The following SPATA17 variants were observed in gnomAD, a reference collection of about 807,000 sequenced individuals.
SPATA17 encodes spermatogenesis associated 17.
SPATA17 carries 53 observed loss-of-function variants against 62.2 expected under a neutral mutation model. The ratio of observed to expected loss-of-function variants is 0.85; its 90% confidence interval spans 0.68 to 1.07. SPATA17 has a LOEUF of 1.07. SPATA17 is among the 50% of genes least tolerant of loss of function. The probability of loss-of-function intolerance (pLI) is 0.00; values close to 1 mark genes in which losing one functional copy is unlikely to be tolerated. For synonymous variants in SPATA17, 146 were observed against 146.8 expected, an observed-to-expected ratio of 0.99 and a Z score of 0.04; for missense variants, 466 against 425.5, an observed-to-expected ratio of 1.10 and a Z score of -0.84.
At chr1:217,731,495 TCTCTTTATTGGTGGCCAAGCC>T (rs1672401916) in intron 5 of SPATA17, among the ~76,000 whole-genome samples, 1 of 152,190 alleles carries the variant, frequency 6.6e-6, no homozygotes, top group African/African-American at 2.4e-5. Flanking sequence ...TAAAAATTCT[TCTCTTTATTGGTGGCCAAGCC>T]CTATCAATTC....
At chr1:217,780,990 G>A (rs1484829033) in intron 7 of SPATA17, among the ~76,000 whole-genome samples, 2 of 151,922 alleles carry the variant, frequency 1.3e-5, no homozygotes, top group East Asian at 3.9e-4. Context: ...CTTAATAGTG[G>A]ACTTGGAATC....
chr1:217,785,328 C>A (rs377507864), intron 8 of SPATA17, among the ~76,000 whole-genome samples: 1 of 152,094 alleles, frequency 6.6e-6, no homozygotes, highest in African/African-American at 2.4e-5. Flanking sequence ...TGAAGAAAAG[C>A]GGTTTAATTG....
At chr1:217,715,689 C>A (rs1387161818) in intron 5 of SPATA17, among the ~76,000 whole-genome samples, 2 of 150,490 alleles carry the variant, frequency 1.3e-5, no homozygotes, top group Non-Finnish European at 3.0e-5. Flanking sequence ...AAAAACTGTT[C>A]TATGCCTATT....
intron 1 of SPATA17, among the ~76,000 whole-genome samples, chr1:217,638,200 A>C (rs1669981654): frequency 6.8e-6 from 1 of 146,894 alleles, no homozygotes; most frequent in Non-Finnish European, 1.6e-5. Context: ...TACATTAAGT[A>C]TATAAACTGT....
chr1:217,743,073 T>C (rs1040194596), intron 6 of SPATA17, among the ~76,000 whole-genome samples: 1 of 151,902 alleles, frequency 6.6e-6, no homozygotes, highest in African/African-American at 2.4e-5. Flanking sequence ...GGTGACTATC[T>C]TCATATTTAC....
At chr1:217,681,758 A>G (rs1315150818) in intron 4 of SPATA17, among the ~76,000 whole-genome samples, 2 of 152,194 alleles carry the variant, frequency 1.3e-5, no homozygotes, top group Non-Finnish European at 2.9e-5. Context: ...ATGTTTTAAA[A>G]CAGAGAAAAA....
At chr1:217,833,419 G>A (rs1404367348) in intron 9 of SPATA17, among the ~76,000 whole-genome samples, 1 of 152,154 alleles carries the variant, frequency 6.6e-6, no homozygotes, top group Admixed American at 6.5e-5. Context: ...GCGTTAATAA[G>A]AGTGATGCAA....
intron 5 of SPATA17, among the ~76,000 whole-genome samples, chr1:217,741,403 G>T (rs920302135): frequency 2.6e-5 from 4 of 151,834 alleles, no homozygotes; most frequent in Admixed American, 6.6e-5. Context: ...GCTTTTATTC[G>T]AATTATCTGT....
At chr1:217,793,221 GT>G (rs1161172000) in intron 8 of SPATA17, among the ~76,000 whole-genome samples, 17 of 127,156 alleles carry the variant, frequency 1.3e-4, no homozygotes, top group African/African-American at 2.6e-4. Context: ...AGTGGTTTTT[GT>G]TTTTTTTTTT....
At chr1:217,841,922 T>C (rs1675415091) in intron 9 of SPATA17, among the ~76,000 whole-genome samples, 1 of 151,598 alleles carries the variant, frequency 6.6e-6, no homozygotes, top group Non-Finnish European at 1.5e-5. Context: ...TTCTTCCATT[T>C]TCAATTATTT....
rs545534654 is a variant in SPATA17 at position 217,787,983 on chromosome 1, G to C, written c.872+5661G>C. ...ATTTCCAAACATGAAATGGGACCATGAAAGTTGCTTAGATGAAATGGGGAA... is the reference window on the plus strand; with the variant it reads ...ATTTCCAAACATGAAATGGGACCATCAAAGTTGCTTAGATGAAATGGGGAA... On this transcript the variant is annotated intron_variant, in intron 8 of 10. Transcript: ENST00000366933. 5.9e-5 allele frequency among the ~76,000 whole-genome samples: 9 copies of C among 152,290 alleles called. No homozygotes were observed. In the South Asian group the frequency reaches 1.0e-3, roughly 18 times the overall value.
At chr1:217,797,736 G>A (rs577427590) in intron 8 of SPATA17, among the ~76,000 whole-genome samples, 13 of 151,932 alleles carry the variant, frequency 8.6e-5, no homozygotes, top group African/African-American at 2.2e-4. Context: ...ACTTTTAAAC[G>A]TAGGTGTCTT....
chr1:217,728,586 G>A (rs1672324620), intron 5 of SPATA17, among the ~76,000 whole-genome samples: 1 of 151,818 alleles, frequency 6.6e-6, no homozygotes, highest in Admixed American at 6.6e-5. Context: ...TCATTTTAAA[G>A]CTATTCCACA....
At chr1:217,687,294 C>A (rs935797327) in intron 5 of SPATA17, among the ~76,000 whole-genome samples, 2 of 151,956 alleles carry the variant, frequency 1.3e-5, no homozygotes, top group African/African-American at 4.8e-5. Flanking sequence ...ATTCATTTTT[C>A]AATCTCCAGT....
intron 6 of SPATA17, among the ~76,000 whole-genome samples, chr1:217,746,150 C>A (rs1481284925): frequency 1.3e-5 from 2 of 151,716 alleles, no homozygotes; most frequent in African/African-American, 2.4e-5. Context: ...AAATAAAAGC[C>A]AAATAAGAAT....
chr1:217,665,687 A>G (rs1393014306), intron 3 of SPATA17, among the ~76,000 whole-genome samples: 1 of 152,210 alleles, frequency 6.6e-6, no homozygotes, highest in Non-Finnish European at 1.5e-5. Flanking sequence ...ATCACAGTTC[A>G]TGGACAACAA....
At chr1:217,815,587 T>C (rs1386123729) in intron 9 of SPATA17, among the ~76,000 whole-genome samples, 1 of 152,206 alleles carries the variant, frequency 6.6e-6, no homozygotes, top group Admixed American at 6.5e-5. Flanking sequence ...TACCATTATT[T>C]AATGGAACAC....
intron 5 of SPATA17, among the ~76,000 whole-genome samples, chr1:217,722,148 T>C (rs938725022): frequency 6.6e-6 from 1 of 152,114 alleles, no homozygotes; most frequent in Non-Finnish European, 1.5e-5. Flanking sequence ...GACTTTCTGA[T>C]AAAGAAAAAT....
intron 8 of SPATA17, among the ~76,000 whole-genome samples, chr1:217,798,027 A>G (rs1025919036): frequency 1.3e-5 from 2 of 152,202 alleles, no homozygotes; most frequent in Admixed American, 1.3e-4. Flanking sequence ...GAGGCTGCTC[A>G]TAGACTAACA....
Sources: gnomAD v4.1 joint callset for allele counts (sites outside exome capture counted in the v4.1 genomes callset) on GRCh38, gnomAD v4.1.1 for gene constraint, MANE v1.5 for transcripts, NCBI Gene and HGNC (gene_info 2026-07-23, HGNC 2026-07-21) for gene names.